The following MUC17 variants were observed in gnomAD, a reference collection of about 807,000 sequenced individuals.
The protein encoded by MUC17 is mucin 17, cell surface associated.
Under a neutral mutation model 170.3 loss-of-function variants are expected in MUC17, and 190 were observed. That is an observed-to-expected ratio of 1.12 (90% confidence interval 0.99 to 1.26). MUC17 has a LOEUF of 1.26. Ranked by LOEUF, MUC17 falls within the 50% of genes most tolerant of loss-of-function variation. The pLI is 0.00. For synonymous variants in MUC17, 2,325 were observed against 2,002.5 expected, an observed-to-expected ratio of 1.16 and a Z score of -4.30; for missense variants, 6,415 against 5,530.0, an observed-to-expected ratio of 1.16 and a Z score of -5.08.
chr7:101,032,825 GCAACCT>G lies in MUC17; in HGVS notation c.1410_1415del (p.Asn471_Leu472del), dbSNP rs1471823559. 1 of 1,613,838 alleles carries G rather than the reference GCAACCT, an allele frequency of 6.2e-7. No individual in the cohort carries two copies. The highest frequency in any genetic ancestry group is 8.5e-7 in the Non-Finnish European group (1 of 1,179,972). On this transcript the variant is annotated inframe_deletion, in exon 3 of 13. Coordinates refer to ENST00000306151, the MANE Select transcript of MUC17 (RefSeq NM_001040105.2). ...ACTCCAGTGGCCAGTTCTGAGGCTAGCAACCTTTCAACAACTCCTGTTGACTCCAAA... is the reference window on the plus strand; with the variant it reads ...ACTCCAGTGGCCAGTTCTGAGGCTAGTTCAACAACTCCTGTTGACTCCAAA...
At position 101,041,402 on chromosome 7, in the gene MUC17, G is replaced by A. The variant is rs374984648; in HGVS notation, c.9986G>A (p.Ser3329Asn). ...SSSPPIADGT[S>N]MPTSTYSEGS... ...TCTCCTCCAATTGCTGACGGTACTA[G>A]CATGCCAACCTCAACTTATAGTGAA... The change falls in exon 3 of 13, where the codon AGC (serine) becomes AAC (asparagine). Residue 3329 changes from serine (S) to asparagine (N), a missense_variant. By Grantham distance (46) the Ser-to-Asn change is conservative (BLOSUM62 1). Transcript: ENST00000306151. 6.2e-7 allele frequency: 1 copy of A among 1,613,684 alleles called. No homozygotes were observed. Among genetic ancestry groups the A allele is most frequent in the Non-Finnish European group, 8.5e-7 (1 of 1,179,790 alleles).
In MUC17 at chr7:101,053,573, G is replaced by C. The variant is rs958735354; in HGVS notation, c.13363+137G>C. 11 of 622,894 alleles carry C rather than the reference G, an allele frequency of 1.8e-5. No individual in the cohort carries two copies. The African/African-American group carries it at 1.8e-4, about 10-fold the overall frequency. 38.6% of individuals were successfully genotyped at this position (622,894 alleles called of 1,614,324 possible). A position where few individuals can be genotyped will look rare whatever the true frequency, so the allele number is the denominator to read the frequency against. On this transcript the variant is annotated intron_variant, in intron 11 of 12. Coordinates refer to ENST00000306151, the MANE Select transcript of MUC17 (RefSeq NM_001040105.2). ...ACTTGAGGCCAGGAGCTCAAGATCAGCCTGGGCAACAACACAGCAAAACTC... is the reference window on the plus strand; with the variant it reads ...ACTTGAGGCCAGGAGCTCAAGATCACCCTGGGCAACAACACAGCAAAACTC...
intron 1 of MUC17, among the ~76,000 whole-genome samples, chr7:101,020,585 T>C (rs974667847): frequency 6.6e-6 from 1 of 152,040 alleles, no homozygotes; most frequent in African/African-American, 2.4e-5. Context: ...CAACCCATAT[T>C]AGAGTCTATC....
In MUC17 at chr7:101,034,176, G is replaced by A. The variant is rs59155935; in HGVS notation, c.2760G>A (p.Gly920=). The A allele has an allele frequency of 2.6e-6, 4 of 1,534,502 alleles. No individual in the cohort carries two copies. The highest frequency in any genetic ancestry group is 1.2e-5 in the South Asian group (1 of 86,050). The change falls in exon 3 of 13, where the codon GGG becomes GGA. Residue 920 remains glycine, a synonymous_variant. Coordinates refer to ENST00000306151, the MANE Select transcript of MUC17 (RefSeq NM_001040105.2). ...CCAGCATGCCAACCTCAACTCCTGG[G>A]GAAGGAAGCACTCCATTAACAAGTA... is the stretch of plus-strand genomic sequence containing the variant. ...EGTSMPTSTP[G]EGSTPLTSMP...
rs1794590329 is a variant in MUC17, at chr7:101,038,981, T to C, written c.7565T>C (p.Val2522Ala). 2 of 1,614,004 alleles carry C rather than the reference T, an allele frequency of 1.2e-6. No homozygotes were observed. Among genetic ancestry groups the C allele is most frequent in the Admixed American group, 3.3e-5 (2 of 60,008 alleles). The change falls in exon 3 of 13, where the codon GTC becomes GCC. Residue 2522 changes from valine to alanine, a missense_variant. Transcript: ENST00000306151. ...AGTACTCTATTAACAAGTATACCTG[T>C]CAGCACCACGCCAGTGGCCAGTCCT... Reference protein sequence around the residue: ...EGSTLLTSIPVSTTPVASPEA... With the variant: ...EGSTLLTSIPASTTPVASPEA...
rs1459848143 is a variant in MUC17, at chr7:101,032,384, G to A, written c.968G>A (p.Ser323Asn). Residue 323 changes from serine (S) to asparagine (N), a missense_variant, in exon 3 of 13, where the codon AGC becomes AAC. Coordinates refer to ENST00000306151, the MANE Select transcript of MUC17 (RefSeq NM_001040105.2). ...TCTCCTACAACGGCTGAAGGCACCA[G>A]CATACCAACCTCAACTTATACTGAA... ...SSSPTTAEGTSIPTSTYTEGS... is the reference protein window; with the variant it reads ...SSSPTTAEGTNIPTSTYTEGS... The A allele has an allele frequency of 1.2e-6, 2 of 1,608,954 alleles. No homozygotes were observed. The highest frequency in any genetic ancestry group is 1.7e-5 in the Admixed American group (1 of 59,492).
Position 101,037,886 on chromosome 7 carries a change from G to A in MUC17, c.6470G>A (p.Ser2157Asn). ...ACCAGCATGCAAACCTCAACTTATAGTGACAGAAGAACTCCTTTAACAAGT... is the reference window on the plus strand; with the variant it reads ...ACCAGCATGCAAACCTCAACTTATAATGACAGAAGAACTCCTTTAACAAGT... ...EGTSMQTSTY[S>N]DRRTPLTSMP... Residue 2157 changes from serine to asparagine, a missense_variant, in exon 3 of 13, where the codon AGT (serine) becomes AAT (asparagine). Ser to Asn is a conservative substitution (Grantham distance 46). Coordinates refer to ENST00000306151, the MANE Select transcript of MUC17 (RefSeq NM_001040105.2). The A allele has an allele frequency of 6.2e-7, 1 of 1,610,426 alleles. No homozygotes were observed. The highest frequency in any genetic ancestry group is 1.3e-5 in the African/African-American group (1 of 74,702).
intron 1 of MUC17, among the ~76,000 whole-genome samples, chr7:101,024,263 G>T (rs918730316): frequency 2.0e-5 from 3 of 151,938 alleles, no homozygotes; most frequent in East Asian, 1.9e-4. Context: ...ATCTGGGCAT[G>T]GTGTGACAAG....
chr7:101,036,493 A>T lies in MUC17; in HGVS notation c.5077A>T (p.Thr1693Ser), dbSNP rs774273312. ...STYTEGRTPL[T>S]SITVRTTPVA... is the part of the protein sequence containing the mutation. ...TTATACTGAAGGAAGAACTCCTTTAACAAGTATAACTGTCAGAACAACACC... is the reference window on the plus strand; with the variant it reads ...TTATACTGAAGGAAGAACTCCTTTATCAAGTATAACTGTCAGAACAACACC... Residue 1693 changes from threonine to serine, a missense_variant, in exon 3 of 13, where the codon ACA becomes TCA. Physicochemically the swap from Thr to Ser is moderately conservative, Grantham distance 58. Transcript: ENST00000306151. 9 of 1,610,748 alleles carry T rather than the reference A, an allele frequency of 5.6e-6. No individual in the cohort carries two copies. The Admixed American group carries it at 1.5e-4, about 27-fold the overall frequency.
intron 9 of MUC17, among the ~76,000 whole-genome samples, chr7:101,052,344 G>C (rs913129888): frequency 5.9e-5 from 9 of 152,304 alleles, no homozygotes; most frequent in Admixed American, 2.0e-4. Context: ...GTGGGGAGAA[G>C]CCCTCTAGCC....
At chr7:101,045,811 G>T (rs1260415927) in intron 3 of MUC17, among the ~76,000 whole-genome samples, 6 of 152,198 alleles carry the variant, frequency 3.9e-5, no homozygotes, top group African/African-American at 4.8e-5. Context: ...CCTGGACCTT[G>T]TATTTCCAGG....
chr7:101,020,318 A>G (rs1007340154), intron 1 of MUC17, 101 bp downstream of exon 1: 96 of 941,370 alleles, frequency 1.0e-4, no homozygotes, highest in Non-Finnish European at 8.4e-5. Flanking sequence ...CAGGACACCA[A>G]TAGGGGTGTG....
chr7:101,035,281 C>A lies in MUC17; in HGVS notation c.3865C>A (p.Leu1289Met). 1 of 1,609,534 alleles carries A rather than the reference C, an allele frequency of 6.2e-7. No homozygotes were observed. The highest frequency in any genetic ancestry group is 8.5e-7 in the Non-Finnish European group (1 of 1,176,886). The change falls in exon 3 of 13, where the codon CTG becomes ATG. Residue 1289 changes from leucine to methionine, a missense_variant. Transcript: ENST00000306151. ...AACAAGTATACCTGTCAGCACCACG[C>A]TGGTGACCAGTCCTGAGGCTAGCAC... ...LLTSIPVSTT[L>M]VTSPEASTLL...
In MUC17 at chr7:101,042,287, C is replaced by A. The variant is rs748458660; in HGVS notation, c.10871C>A (p.Thr3624Asn). The change falls in exon 3 of 13, where the codon ACC becomes AAC. Residue 3624 changes from threonine to asparagine, a missense_variant. Physicochemically the swap from Thr to Asn is moderately conservative, Grantham distance 65 (BLOSUM62 0). Coordinates refer to ENST00000306151, the MANE Select transcript of MUC17 (RefSeq NM_001040105.2). The part of the protein sequence containing the change: ...NSTPTPPEVI[T>N]LPMSTPSEVS... The stretch of plus-strand genomic sequence containing the variant: ...ACTCCTACACCTCCTGAAGTTATCA[C>A]CCTGCCAATGTCAACTCCTAGTGAA... 3 of 1,613,340 alleles carry A rather than the reference C, an allele frequency of 1.9e-6. No individual in the cohort carries two copies. Among genetic ancestry groups the A allele is most frequent in the East Asian group, 4.5e-5 (2 of 44,832 alleles).
rs60011153 is a variant in MUC17 at position 101,048,909 on chromosome 7, C to T, written c.12600C>T (p.Thr4200=). 9,220 of 1,613,938 alleles carry T rather than the reference C, an allele frequency of 5.7e-3. 320 individuals carry two copies. The African/African-American group carries it at 0.088, about 15-fold the overall frequency. ...TGACAGTGACCAGTGTGAAGTTCAC[C>T]GAAGAGCTAAAAAACCACTCTTCCC... ...LTVTVTSVKF[T]EELKNHSSQE... Residue 4200 remains threonine, a synonymous_variant, in exon 5 of 13, where the codon ACC becomes ACT. Coordinates refer to ENST00000306151, the MANE Select transcript of MUC17 (RefSeq NM_001040105.2).
rs753114888 is a variant in MUC17 at position 101,038,350 on chromosome 7, A to G, written c.6934A>G (p.Thr2312Ala). Residue 2312 changes from threonine to alanine, a missense_variant, in exon 3 of 13, where the codon ACT becomes GCT. By Grantham distance (58) the Thr-to-Ala change is moderately conservative. Coordinates refer to ENST00000306151, the MANE Select transcript of MUC17 (RefSeq NM_001040105.2). ...TPVDSNTPFT[T>A]STEASSPPPT... ...TGTTGACTCCAACACTCCTTTCACT[A>G]CTTCTACTGAAGCCAGTTCACCTCC... 4 of 1,613,450 alleles carry G rather than the reference A, an allele frequency of 2.5e-6. No individual in the cohort carries two copies. Among genetic ancestry groups the G allele is most frequent in the Admixed American group, 1.7e-5 (1 of 59,920 alleles).
rs1285358573 is a variant in MUC17 at position 101,039,693 on chromosome 7, C to T, written c.8277C>T (p.Ser2759=). The T allele has an allele frequency of 4.3e-6, 7 of 1,613,304 alleles. No homozygotes were observed. Among genetic ancestry groups the T allele is most frequent in the Non-Finnish European group, 5.9e-6 (7 of 1,179,716 alleles). Residue 2759 remains serine, a synonymous_variant, in exon 3 of 13, where the codon AGC becomes AGT. Coordinates refer to ENST00000306151, the MANE Select transcript of MUC17 (RefSeq NM_001040105.2). ...CTCCATTAACAAGTATACTTGTCAG[C>T]ACCCTGCCAGTGGCCAGTTCTGAGG... ...GSTPLTSILV[S]TLPVASSEAS... is the part of the protein sequence containing the mutation.
At position 101,039,721 on chromosome 7, in the gene MUC17, A is replaced by C; in HGVS notation, c.8305A>C (p.Ser2769Arg). Residue 2769 changes from serine (S) to arginine (R), a missense_variant, in exon 3 of 13, where the codon AGC (serine) becomes CGC (arginine). Transcript: ENST00000306151. ...CCTGCCAGTGGCCAGTTCTGAGGCT[A>C]GCACCGTTTCAACAACTGCTGTTGA... ...STLPVASSEA[S>R]TVSTTAVDTS... 6.2e-7 allele frequency: 1 copy of C among 1,610,596 alleles called. No homozygotes were observed. The highest frequency in any genetic ancestry group is 8.5e-7 in the Non-Finnish European group (1 of 1,178,178).
intron 8 of MUC17, 41 bp downstream of exon 8, chr7:101,051,722 G>C: frequency 6.2e-7 from 1 of 1,607,860 alleles, no homozygotes; most frequent in Non-Finnish European, 8.5e-7. Context: ...GGCTGGAGAG[G>C]TGGGGAGCCC....
Sources: allele counts gnomAD v4.1 joint callset (sites outside exome capture counted in the v4.1 genomes callset), GRCh38; gene constraint gnomAD v4.1.1; transcripts MANE v1.5; gene names NCBI Gene and HGNC (gene_info 2026-07-23, HGNC 2026-07-21).